Variants in SBF2 observed in about 807,000 individuals in gnomAD.
The protein encoded by SBF2 is SET binding factor 2.
In SBF2, 112 loss-of-function variants were observed where a neutral mutation model predicts 225.2. The ratio of observed to expected loss-of-function variants is 0.50; its 90% CI spans 0.43 to 0.58. SBF2 has a LOEUF of 0.58. Among genes scored for constraint, SBF2 ranks in the 20% least tolerant of loss-of-function variants. The pLI is 0.00. For synonymous variants in SBF2, 763 were observed against 773.3 expected, an observed-to-expected ratio of 0.99 and a Z score of 0.22; for missense variants, 1,996 against 2,206.2, an observed-to-expected ratio of 0.90 and a Z score of 1.91.
chr11:10,232,589 G>A (rs1212286217), intron 1 of SBF2, among the ~76,000 whole-genome samples: 1 of 148,940 alleles, frequency 6.7e-6, no homozygotes, highest in African/African-American at 2.5e-5. Context: ...TAAGGGACAA[G>A]GTCTTGCTCT....
intron 13 of SBF2, among the ~76,000 whole-genome samples, chr11:9,985,033 A>AT (rs1199218117): frequency 1.3e-5 from 2 of 152,240 alleles, no homozygotes; most frequent in Non-Finnish European, 2.9e-5. Context: ...TTAAAAAGCA[A>AT]TAACAAAAAA....
chr11:10,124,644 T>C (rs1327495645), intron 2 of SBF2, among the ~76,000 whole-genome samples: 2 of 152,202 alleles, frequency 1.3e-5, no homozygotes, highest in Non-Finnish European at 2.9e-5. Context: ...TTTTCTAATG[T>C]GTGAAAATTT....
chr11:10,118,107 T>A (rs1953249511), intron 2 of SBF2, among the ~76,000 whole-genome samples: 1 of 152,180 alleles, frequency 6.6e-6, no homozygotes, highest in South Asian at 2.1e-4. Flanking sequence ...ATTATTAGAA[T>A]TCACCTTTCC....
chr11:9,894,362 C>T (rs1169881882), intron 17 of SBF2, among the ~76,000 whole-genome samples: 2 of 152,080 alleles, frequency 1.3e-5, no homozygotes, highest in African/African-American at 4.8e-5. Context: ...ACTAAAAACA[C>T]AAAAATTAGC....
intron 5 of SBF2, among the ~76,000 whole-genome samples, chr11:10,029,193 T>C (rs1465421747): frequency 1.3e-5 from 2 of 152,194 alleles, no homozygotes; most frequent in Non-Finnish European, 2.9e-5. Context: ...ATCTATCCTT[T>C]TAAAAGTATG....
chr11:10,104,569 G>C (rs752215908), intron 2 of SBF2, among the ~76,000 whole-genome samples: 2 of 152,188 alleles, frequency 1.3e-5, no homozygotes, highest in Non-Finnish European at 2.9e-5. Context: ...GAGACAGGGA[G>C]CTGGTACTGT....
intron 9 of SBF2, among the ~76,000 whole-genome samples, chr11:9,997,076 T>C (rs561207929): frequency 5.3e-5 from 8 of 152,364 alleles, no homozygotes; most frequent in South Asian, 2.1e-4. Flanking sequence ...TCCCATTTCA[T>C]AGATACCACC....
chr11:10,066,689 C>A (rs1950635332), intron 2 of SBF2, among the ~76,000 whole-genome samples: 1 of 152,098 alleles, frequency 6.6e-6, no homozygotes, highest in African/African-American at 2.4e-5. Context: ...AAACCGAATG[C>A]TTTTCCACTA....
intron 1 of SBF2, among the ~76,000 whole-genome samples, chr11:10,232,328 C>T (rs572659336): frequency 1.3e-5 from 2 of 152,290 alleles, no homozygotes; most frequent in East Asian, 1.9e-4. Context: ...ACCCACTGTC[C>T]GGCACTCCCC....
At chr11:10,026,295 CCTCTG>C (rs954993095) in intron 6 of SBF2, among the ~76,000 whole-genome samples, 2 of 152,064 alleles carry the variant, frequency 1.3e-5, no homozygotes, top group African/African-American at 4.8e-5. Flanking sequence ...TCATAGTAAA[CCTCTG>C]CTCTGATTGA....
chr11:10,252,190 C>T (rs958230987), intron 1 of SBF2, among the ~76,000 whole-genome samples: 3 of 152,176 alleles, frequency 2.0e-5, no homozygotes, highest in African/African-American at 7.2e-5. Context: ...CTACTATTTC[C>T]CAGTGGGTTT....
intron 2 of SBF2, among the ~76,000 whole-genome samples, chr11:10,070,159 A>T (rs1276965163): frequency 1.3e-5 from 2 of 152,118 alleles, no homozygotes; most frequent in Non-Finnish European, 2.9e-5. Context: ...TCTTTAGTTT[A>T]ATTAGATCCC....
intron 16 of SBF2, among the ~76,000 whole-genome samples, chr11:9,897,259 CAG>C (rs1387788940): frequency 6.6e-6 from 1 of 151,664 alleles, no homozygotes; most frequent in African/African-American, 2.4e-5. Context: ...TTTTTTGAGA[CAG>C]AGTCTTGCTC....
intron 2 of SBF2, among the ~76,000 whole-genome samples, chr11:10,182,411 T>C (rs1189645954): frequency 6.6e-6 from 1 of 152,194 alleles, no homozygotes; most frequent in African/African-American, 2.4e-5. Flanking sequence ...AACATACAGA[T>C]ACATAAAATC....
chr11:9,960,374 T>C (rs190333402), intron 16 of SBF2: 1 of 152,242 alleles, frequency 6.6e-6, no homozygotes, highest in African/African-American at 2.4e-5. Flanking sequence ...TTGAAAACTT[T>C]TAAGCTTTAT....
chr11:10,014,775 A>T (rs1189572877), intron 6 of SBF2, among the ~76,000 whole-genome samples: 2 of 152,294 alleles, frequency 1.3e-5, no homozygotes, highest in East Asian at 3.9e-4. Context: ...ATATGCTACC[A>T]GAAGTCAAAA....
intron 2 of SBF2, among the ~76,000 whole-genome samples, chr11:10,181,584 C>G (rs1245218491): frequency 6.6e-6 from 1 of 152,060 alleles, no homozygotes; most frequent in Non-Finnish European, 1.5e-5. Context: ...TATAATTAAT[C>G]TATGAAATTG....
chr11:9,989,414 G>GT (rs1947329532), intron 13 of SBF2, 83 bp downstream of exon 13: 1 of 865,842 alleles, frequency 1.2e-6, no homozygotes, highest in East Asian at 2.7e-5. Context: ...ACGTAACCAC[G>GT]TAACACCCGT....
At chr11:10,179,965 A>C (rs1313863427) in intron 2 of SBF2, among the ~76,000 whole-genome samples, 1 of 152,196 alleles carries the variant, frequency 6.6e-6, no homozygotes, top group East Asian at 1.9e-4. Context: ...TAATTGCATA[A>C]AAGCAAGCAA....
Sources: allele counts gnomAD v4.1 joint callset (sites outside exome capture counted in the v4.1 genomes callset), GRCh38; gene constraint gnomAD v4.1.1; transcripts MANE v1.5; gene names NCBI Gene and HGNC (gene_info 2026-07-23, HGNC 2026-07-21).